Variants in PRMT2 observed in about 807,000 individuals in gnomAD.
The protein encoded by PRMT2 is protein arginine N-methyltransferase 2.
In PRMT2, 26 loss-of-function variants were observed where a neutral mutation model predicts 57.6. The ratio of observed to expected loss-of-function variants is 0.45; its 90% confidence interval spans 0.33 to 0.63. The LOEUF is 0.63. Ranked by LOEUF, PRMT2 falls within the 20% of genes least tolerant of loss-of-function variation. PRMT2 has a pLI of 0.02. For synonymous variants in PRMT2, 219 were observed against 220.0 expected (o/e 1.00, Z 0.04); for missense variants, 472 against 564.4 (o/e 0.84, Z 1.66).
intron 9 of PRMT2, 146 bp from the exon 10 acceptor site, chr21:46,661,654 G>A: frequency 1.3e-6 from 1 of 745,154 alleles, no homozygotes; most frequent in South Asian, 6.5e-5. Context: ...TGCGGGTTTT[G>A]GGGGTGGTTT....
At position 46,664,630 on chromosome 21, in the gene PRMT2, G is replaced by T; in HGVS notation, c.*303G>T. On this transcript the variant is annotated 3_prime_UTR_variant, in exon 12 of 12. Coordinates refer to ENST00000355680, the MANE Select transcript of PRMT2 (RefSeq NM_206962.4). ...ACCCGTGGCTGGGTCGGAGCTCCAT[G>T]TTCCTAAGCTAGGTCTAGGTCTACA... The T allele has an allele frequency of 6.1e-6, 3 of 492,580 alleles. No homozygotes were observed. In the South Asian group the frequency reaches 6.9e-5, roughly 11 times the overall value. The allele number at this position is 492,580 out of a possible 1,614,324, so 30.5% of individuals were successfully genotyped here. A position where few individuals can be genotyped will look rare whatever the true frequency, so the allele number is the denominator to read the frequency against.
intron 8 of PRMT2, chr21:46,660,075 AT>A: frequency 3.1e-6 from 3 of 976,628 alleles, no homozygotes; most frequent in Non-Finnish European, 3.7e-6. Flanking sequence ...TAAATTTGTA[AT>A]TTTTTATCAG....
chr21:46,654,068 G>T (rs1430616273), intron 7 of PRMT2: 4 of 987,468 alleles, frequency 4.1e-6, no homozygotes, highest in Non-Finnish European at 4.8e-6. Context: ...GAGCTGGTGG[G>T]TGCTGAGACT....
chr21:46,652,082 A>G, intron 7 of PRMT2: 3 of 1,575,498 alleles, frequency 1.9e-6, no homozygotes, highest in Non-Finnish European at 2.6e-6. Flanking sequence ...GCTTTCAGTC[A>G]GTGCAGCAAG....
At chr21:46,661,067 G>A (rs2061612681) in intron 9 of PRMT2, 105 bp downstream of exon 9, 1 of 1,119,858 alleles carries the variant, frequency 8.9e-7, no homozygotes, top group African/African-American at 1.6e-5. Flanking sequence ...CTGGGGGTGT[G>A]AGTGAATAAC....
chr21:46,662,286 C>G (rs115064648), intron 10 of PRMT2, among the ~76,000 whole-genome samples: 18 of 152,314 alleles, frequency 1.2e-4, no homozygotes, highest in African/African-American at 4.3e-4. Context: ...TCGGGGTTCA[C>G]CTGACGTTTT....
intron 5 of PRMT2, among the ~76,000 whole-genome samples, chr21:46,646,240 C>G (rs895910731): frequency 1.3e-5 from 2 of 152,152 alleles, no homozygotes; most frequent in Non-Finnish European, 2.9e-5. Context: ...TTTTATTGCA[C>G]TTTTTCGCAG....
chr21:46,664,162 T>G, intron 11 of PRMT2, 133 bp from the exon 12 acceptor site: 2 of 686,142 alleles, frequency 2.9e-6, no homozygotes, highest in Admixed American at 5.1e-5. Flanking sequence ...AAGTTTTTGT[T>G]AAAAGTTTGT....
chr21:46,637,391 T>C (rs2148957622), intron 3 of PRMT2, among the ~76,000 whole-genome samples: 1 of 152,324 alleles, frequency 6.6e-6, no homozygotes, highest in African/African-American at 2.4e-5. Context: ...GGTACTCATG[T>C]AGTTTCGTTC....
chr21:46,645,102 T>A (rs371188384), intron 5 of PRMT2, among the ~76,000 whole-genome samples: 24 of 112,806 alleles, frequency 2.1e-4, no homozygotes, highest in South Asian at 7.5e-4. Context: ...AAAAAAAAAA[T>A]TAAAAAAAAA....
chr21:46,643,052 AG>A (rs1446963335), intron 3 of PRMT2, among the ~76,000 whole-genome samples: 2 of 146,346 alleles, frequency 1.4e-5, no homozygotes, highest in Non-Finnish European at 3.0e-5. Context: ...AAAAAAATGG[AG>A]GGGTTGGGGG....
chr21:46,651,873 T>A lies in PRMT2; in HGVS notation c.654+2134T>A, dbSNP rs368362300. The A allele has an allele frequency of 1.6e-4, 251 of 1,613,130 alleles. No homozygotes were observed. In the African/African-American group the frequency reaches 3.0e-3, roughly 19 times the overall value. On this transcript the variant is annotated intron_variant, in intron 7 of 11. Transcript: ENST00000355680. ...GCGTCTGGCCCTCTTCACGTCCTCC[T>A]GGCCTGCTGTCTGCCTCTCCCCTGC... is the stretch of plus-strand genomic sequence containing the variant.
intron 9 of PRMT2, 127 bp from the exon 10 acceptor site, chr21:46,661,673 T>TG (rs1363528860): frequency 9.9e-7 from 1 of 1,008,954 alleles, no homozygotes; most frequent in Non-Finnish European, 1.3e-6. Context: ...TTCCCCAGGC[T>TG]GGGGGGCTTT....
chr21:46,648,534 C>A lies in PRMT2; in HGVS notation c.404C>A (p.Ser135Tyr). The change falls in exon 6 of 12, where the codon TCC (serine) becomes TAC (tyrosine). Residue 135 changes from serine to tyrosine, a missense_variant. Physicochemically the swap from Ser to Tyr is moderately radical, Grantham distance 144 (BLOSUM62 -2). This residue lies in a region of PRMT2 where 243 missense variants were observed against 347.2 expected (regional missense o/e 0.70). Transcript: ENST00000355680. The surrounding 1 kb of genome is among the most constrained non-coding windows in gnomAD (Gnocchi z 4.8). ...AGTGTCATCCTGCAGAATAAAGAAT[C>A]CCTGACGGATAAAGTCATCCTGGAC... ...YHSVILQNKE[S>Y]LTDKVILDVG... The A allele has an allele frequency of 6.2e-7, 1 of 1,614,214 alleles. No homozygotes were observed.
chr21:46,663,516 T>G lies in PRMT2; in HGVS notation c.1231T>G (p.Trp411Gly), dbSNP rs912335943. The change falls in exon 11 of 12, where the codon TGG becomes GGG. Residue 411 changes from tryptophan to glycine, a missense_variant. Physicochemically the swap from Trp to Gly is radical, Grantham distance 184. This residue lies in a region of PRMT2 where 229 missense variants were observed against 217.2 expected (regional missense o/e 1.05). Coordinates refer to ENST00000355680, the MANE Select transcript of PRMT2 (RefSeq NM_206962.4). ...WRRHMSVALS[W>G]AVTSRQDPTS... ...AAGGCACATGTCTGTGGCTCTGAGC[T>G]GGGCTGTCACTTCCAGACAAGACCC... 1.2e-6 allele frequency: 2 copies of G among 1,614,076 alleles called. No homozygotes were observed. The highest frequency in any genetic ancestry group is 1.7e-6 in the Non-Finnish European group (2 of 1,180,008).
chr21:46,649,001 A>G lies in PRMT2; in HGVS notation c.489+382A>G, dbSNP rs551747836. On this transcript the variant is annotated intron_variant, in intron 6 of 11. Coordinates refer to ENST00000355680, the MANE Select transcript of PRMT2 (RefSeq NM_206962.4). This position sits in a 1 kb window ranked among gnomAD's most constrained non-coding sequence, Gnocchi z 4.8. ...GGTTGGTCTCATGGGGTTGGGAGGGATGCACACGCTGGGCCCCCTCCCCAC... is the reference window on the plus strand; with the variant it reads ...GGTTGGTCTCATGGGGTTGGGAGGGGTGCACACGCTGGGCCCCCTCCCCAC... Among the ~76,000 whole-genome samples the G allele has an allele frequency of 7.9e-5, 12 of 152,016 alleles. No individual in the cohort carries two copies. In the East Asian group the frequency reaches 1.9e-3, roughly 25 times the overall value.
intron 7 of PRMT2, chr21:46,652,240 A>T: frequency 7.3e-7 from 1 of 1,369,886 alleles, no homozygotes; most frequent in Non-Finnish European, 9.4e-7. Context: ...CTACAAGTTT[A>T]TTTGTTGTTA....
At chr21:46,657,616 A>G (rs1188974100) in intron 7 of PRMT2, 1 of 152,196 alleles carries the variant, frequency 6.6e-6, no homozygotes, top group African/African-American at 2.4e-5. Flanking sequence ...ACACAAGACC[A>G]TGGGGATGGA....
At chr21:46,643,750 G>T (rs544964183) in intron 4 of PRMT2, 111 bp downstream of exon 4, 2 of 1,302,664 alleles carry the variant, frequency 1.5e-6, no homozygotes, top group African/African-American at 3.0e-5. Flanking sequence ...ATTCAGATGC[G>T]TAGGGCCACA....
Sources: gnomAD v4.1 joint callset for allele counts (sites outside exome capture counted in the v4.1 genomes callset) on GRCh38, gnomAD v4.1.1 for gene constraint, gnomAD v4.1.1 regional missense constraint, Gnocchi (gnomAD v3.1) non-coding constraint, MANE v1.5 for transcripts, NCBI Gene and HGNC (gene_info 2026-07-23, HGNC 2026-07-21) for gene names.